The following ANAPC13 variants were observed in gnomAD, a reference collection of about 807,000 sequenced individuals.
The protein encoded by ANAPC13 is anaphase-promoting complex subunit 13.
ANAPC13 carries 9 observed loss-of-function variants against 9.6 expected under a neutral mutation model. The ratio of observed to expected loss-of-function variants is 0.94; its 90% CI spans 0.57 to 1.64. ANAPC13 has a LOEUF of 1.64. Among genes scored for constraint, ANAPC13 ranks in the 40% most tolerant of loss-of-function variants. ANAPC13 has a pLI of 0.00. For synonymous variants in ANAPC13, 30 were observed against 29.7 expected (o/e 1.01, Z -0.03); for missense variants, 75 against 85.3 (o/e 0.88, Z 0.48).
At chr3:134,480,016 T>C (rs1260491762) in intron 2 of ANAPC13, among the ~76,000 whole-genome samples, 1 of 152,246 alleles carries the variant, frequency 6.6e-6, no homozygotes, top group Non-Finnish European at 1.5e-5. Flanking sequence ...TATGTGAATA[T>C]GTTTTCCCCT....
Position 134,478,480 on chromosome 3 carries a change from C to T in ANAPC13, c.*110G>A. 2.9e-6 allele frequency: 4 copies of T among 1,394,436 alleles called. No individual in the cohort carries two copies. The highest frequency in any genetic ancestry group is 1.4e-5 in the South Asian group (1 of 69,478). 86.4% of individuals were successfully genotyped at this position (1,394,436 alleles called of 1,614,324 possible). A position where few individuals can be genotyped will look rare whatever the true frequency, so the allele number is the denominator to read the frequency against. On this transcript the variant is annotated 3_prime_UTR_variant, in exon 3 of 3. Transcript: ENST00000354910. ...TGCTACCACAAACTAAATGGGTGTA[C>T]ATTTTTGAGTGCTGATTTATTACTC...
chr3:134,485,152 C>T (rs1934994655), intron 1 of ANAPC13, among the ~76,000 whole-genome samples: 1 of 152,154 alleles, frequency 6.6e-6, no homozygotes, highest in South Asian at 2.1e-4. Context: ...ATCCCATTTC[C>T]GGGATTAGGC....
At position 134,482,793 on chromosome 3, in the gene ANAPC13, A is replaced by G. The variant is rs759220137; in HGVS notation, c.99+13T>C. On this transcript the variant is annotated intron_variant, in intron 2 of 2. Coordinates refer to ENST00000354910, the MANE Select transcript of ANAPC13 (RefSeq NM_015391.4). ...ATACCTTTAACCCATCCTCAGCTCA[A>G]ATCATAACCTACCAGTGGTATTGCG... The G allele has an allele frequency of 1.9e-6, 3 of 1,611,894 alleles. No homozygotes were observed. The highest frequency in any genetic ancestry group is 1.3e-5 in the African/African-American group (1 of 74,874).
At chr3:134,483,058 C>A in intron 1 of ANAPC13, 127 bp from the exon 2 acceptor site, 2 of 652,610 alleles carry the variant, frequency 3.1e-6, no homozygotes, top group South Asian at 1.8e-5. Flanking sequence ...CTCATATGGG[C>A]CGGGTGACTA....
At chr3:134,482,717 A>G (rs1934763101) in intron 2 of ANAPC13, 89 bp downstream of exon 2, 1 of 1,026,334 alleles carries the variant, frequency 9.7e-7, no homozygotes, top group South Asian at 1.3e-5. Flanking sequence ...TCTTTGCCAC[A>G]CTAGTTTATC....
intron 2 of ANAPC13, among the ~76,000 whole-genome samples, chr3:134,480,697 G>C (rs566078054): frequency 7.3e-4 from 111 of 152,326 alleles, no homozygotes; most frequent in Middle Eastern, 3.4e-3. Flanking sequence ...CAGACAGCTT[G>C]TTAACTGCCA....
intron 1 of ANAPC13, 76 bp from the exon 2 acceptor site, chr3:134,483,007 CT>C: frequency 2.0e-6 from 2 of 1,021,768 alleles, no homozygotes; most frequent in Non-Finnish European, 1.5e-6. Flanking sequence ...ATTCTCCAGG[CT>C]TTTTAGTCTG....
chr3:134,481,392 G>A (rs1934731214), intron 2 of ANAPC13, among the ~76,000 whole-genome samples: 1 of 152,078 alleles, frequency 6.6e-6, no homozygotes, highest in Non-Finnish European at 1.5e-5. Flanking sequence ...TCAAAACTCT[G>A]GGCCTTTACA....
intron 1 of ANAPC13, among the ~76,000 whole-genome samples, chr3:134,484,237 G>A (rs1209862595): frequency 6.6e-6 from 1 of 152,126 alleles, no homozygotes; most frequent in Non-Finnish European, 1.5e-5. Context: ...AAAATTAGCC[G>A]AGCATGGTGG....
At position 134,483,056 on chromosome 3, in the gene ANAPC13, G is replaced by A. The variant is rs1258474515; in HGVS notation, c.-27-125C>T. 5 of 658,948 alleles carry A rather than the reference G, an allele frequency of 7.6e-6. No individual in the cohort carries two copies. The East Asian group carries it at 1.3e-4, about 17-fold the overall frequency. The allele number at this position is 658,948 out of a possible 1,614,324, so 40.8% of individuals were successfully genotyped here. On this transcript the variant is annotated intron_variant, in intron 1 of 2. Coordinates refer to ENST00000354910, the MANE Select transcript of ANAPC13 (RefSeq NM_015391.4). ...GGGAAAAGGTTCATTTTCTCATATG[G>A]GCCGGGTGACTACTTTGATCACAGT...
chr3:134,477,939 G>C lies in ANAPC13; in HGVS notation c.*651C>G, dbSNP rs1024832899. On this transcript the variant is annotated 3_prime_UTR_variant, in exon 3 of 3. Transcript: ENST00000354910. ...CATAGTGGGGTGGTTGTAACTGAAAGGGCTTTGAGAAAAGGCTTTGAATAA... is the reference window on the plus strand; with the variant it reads ...CATAGTGGGGTGGTTGTAACTGAAACGGCTTTGAGAAAAGGCTTTGAATAA... The C allele has an allele frequency of 2.6e-5, 4 of 152,192 alleles. No homozygotes were observed. Among genetic ancestry groups the C allele is most frequent in the Non-Finnish European group, 4.4e-5 (3 of 68,028 alleles). The allele number at this position is 152,192 out of a possible 1,614,324, so 9.4% of individuals were successfully genotyped here.
intron 2 of ANAPC13, among the ~76,000 whole-genome samples, chr3:134,479,589 T>C (rs1317639906): frequency 6.6e-6 from 1 of 152,118 alleles, no homozygotes; most frequent in African/African-American, 2.4e-5. Context: ...CCTCAGGTGA[T>C]CCACCCGCCT....
At chr3:134,481,043 T>C (rs1341876906) in intron 2 of ANAPC13, among the ~76,000 whole-genome samples, 1 of 152,200 alleles carries the variant, frequency 6.6e-6, no homozygotes, top group Non-Finnish European at 1.5e-5. Context: ...ATCTGAGCCA[T>C]AAACTTCTCC....
At position 134,485,958 on chromosome 3, in the gene ANAPC13, C is replaced by G. The variant is rs1935122432; in HGVS notation, c.-34G>C. 1.0e-6 allele frequency: 1 copy of G among 981,798 alleles called. No homozygotes were observed. The highest frequency in any genetic ancestry group is 6.3e-5 in the Admixed American group (1 of 15,802). 60.8% of individuals were successfully genotyped at this position (981,798 alleles called of 1,614,324 possible). ...GGGCGCTGGAAACCCTTACCGGCACCCGGCCACCGCGGCAGACGCTTGCTC... is the reference window on the plus strand; with the variant it reads ...GGGCGCTGGAAACCCTTACCGGCACGCGGCCACCGCGGCAGACGCTTGCTC... On this transcript the variant is annotated 5_prime_UTR_variant, in exon 1 of 3. Transcript: ENST00000354910.
chr3:134,481,944 G>A (rs1385579635), intron 2 of ANAPC13, among the ~76,000 whole-genome samples: 1 of 152,152 alleles, frequency 6.6e-6, no homozygotes, highest in Admixed American at 6.5e-5. Context: ...TTCTTATTAT[G>A]CTCTCTCTTT....
In ANAPC13 at chr3:134,482,977, T is replaced by C. The variant is rs1934773098; in HGVS notation, c.-27-46A>G. 6 of 1,275,398 alleles carry C rather than the reference T, an allele frequency of 4.7e-6. No homozygotes were observed. The Admixed American group carries it at 1.0e-4, about 21-fold the overall frequency. The allele number at this position is 1,275,398 out of a possible 1,614,324, so 79.0% of individuals were successfully genotyped here. On this transcript the variant is annotated intron_variant, in intron 1 of 2. Transcript: ENST00000354910. The stretch of plus-strand genomic sequence containing the variant: ...TTCTTAAACACGAAGACTGAAGAGA[T>C]GGTATAATCCACTATTAGGATTCTC...
rs1044112543 is a variant in ANAPC13 at position 134,485,959 on chromosome 3, C to T, written c.-35G>A. The T allele has an allele frequency of 2.0e-6, 2 of 980,140 alleles. No individual in the cohort carries two copies. The highest frequency in any genetic ancestry group is 6.4e-5 in the Admixed American group (1 of 15,572). 60.7% of individuals were successfully genotyped at this position (980,140 alleles called of 1,614,324 possible). On this transcript the variant is annotated 5_prime_UTR_variant, in exon 1 of 3. Transcript: ENST00000354910. Reference sequence around the variant, plus strand: ...GGCGCTGGAAACCCTTACCGGCACCCGGCCACCGCGGCAGACGCTTGCTCC... The same window carrying T: ...GGCGCTGGAAACCCTTACCGGCACCTGGCCACCGCGGCAGACGCTTGCTCC...
chr3:134,480,230 G>C (rs962686391), intron 2 of ANAPC13, among the ~76,000 whole-genome samples: 3 of 152,108 alleles, frequency 2.0e-5, no homozygotes, highest in East Asian at 1.9e-4. Flanking sequence ...GAATAAATAG[G>C]TCCTTGGTTA....
At chr3:134,479,358 A>G (rs2107699210) in intron 2 of ANAPC13, among the ~76,000 whole-genome samples, 1 of 151,550 alleles carries the variant, frequency 6.6e-6, no homozygotes, top group Middle Eastern at 3.4e-3. Context: ...TTTTTTTGAG[A>G]TGGAGTTTTG....
Sources: allele counts gnomAD v4.1 joint callset (sites outside exome capture counted in the v4.1 genomes callset), GRCh38; gene constraint gnomAD v4.1.1; transcripts MANE v1.5; gene names NCBI Gene and HGNC (gene_info 2026-07-23, HGNC 2026-07-21).